Variants in MORC4 observed in about 807,000 individuals in gnomAD.
MORC4 encodes the protein MORC family CW-type zinc finger 4, also known as MORC family CW-type zinc finger protein 4.
In MORC4, 22 loss-of-function variants were observed where a neutral mutation model predicts 65.5. The ratio of observed to expected loss-of-function variants is 0.34; its 90% CI spans 0.24 to 0.48. The LOEUF (loss-of-function observed/expected upper bound fraction) is 0.48, where lower values mean the gene tolerates loss of function less well. Among genes scored for constraint, MORC4 ranks in the 20% least tolerant of loss-of-function variants. The pLI, the probability that MORC4 is intolerant of heterozygous loss-of-function variation, is 0.99. For synonymous variants in MORC4, 267 were observed against 255.8 expected (o/e 1.04, Z -0.42); for missense variants, 624 against 703.0 (o/e 0.89, Z 1.27).
chrX:106,973,867 C>T (rs1031208732), intron 9 of MORC4, among the ~76,000 whole-genome samples: 2 of 111,710 alleles, frequency 1.8e-5, no homozygotes, highest in Non-Finnish European at 3.8e-5. Flanking sequence ...GAAAGGAATG[C>T]AGCCCTGCCA....
Position 106,956,959 on chromosome X carries a change from C to T in MORC4, c.1431G>A (p.Leu477=). ...PEEQELTDED[L]CLSKAKKQEQ... Reference sequence around the variant, plus strand: ...ACTGTTTCTTAGCTTTGCTCAAGCACAGGTCTTCATCAGTGAGTTCTTGTT... The same window carrying T: ...ACTGTTTCTTAGCTTTGCTCAAGCATAGGTCTTCATCAGTGAGTTCTTGTT... The change falls in exon 12 of 17, where the codon CTG becomes CTA. Residue 477 remains leucine, a synonymous_variant. Coordinates refer to ENST00000355610, the MANE Select transcript of MORC4 (RefSeq NM_024657.5). 1 of 1,199,022 alleles carries T rather than the reference C, an allele frequency of 8.3e-7. No individual in the cohort carries two copies. Among genetic ancestry groups the T allele is most frequent in the Non-Finnish European group, 1.1e-6 (1 of 885,628 alleles).
At chrX:106,998,571 T>C (rs1935118925) in intron 2 of MORC4, among the ~76,000 whole-genome samples, 1 of 112,540 alleles carries the variant, frequency 8.9e-6, no homozygotes, top group South Asian at 3.7e-4. Context: ...TTGGATTGTA[T>C]TCCATTCTGC....
Position 106,956,528 on chromosome X carries a change from T to C in MORC4, c.1461A>G (p.Gln487=), listed in dbSNP as rs1275711108. ...LCLSKAKKQE[Q]TVEEKKKMPM... ...GCATCTTCTTCTTCTCCTCAACAGT[T>C]TGTTCTCTAGGAGAAGATAAAAGTG... The change falls in exon 13 of 17, where the codon CAA becomes CAG. Residue 487 remains glutamine (Q), a synonymous_variant. Coordinates refer to ENST00000355610, the MANE Select transcript of MORC4 (RefSeq NM_024657.5). 6.6e-6 allele frequency: 8 copies of C among 1,204,675 alleles called. No individual in the cohort carries two copies. The highest frequency in any genetic ancestry group is 2.2e-5 in the Admixed American group (1 of 46,037).
chrX:106,954,765 AT>A, intron 14 of MORC4, 147 bp downstream of exon 14: 1 of 540,544 alleles, frequency 1.8e-6, no homozygotes, highest in Non-Finnish European at 3.0e-6. Flanking sequence ...GCAACACACA[AT>A]TCTATCAACT....
intron 14 of MORC4, among the ~76,000 whole-genome samples, chrX:106,945,176 G>A (rs1266695038): frequency 1.8e-5 from 2 of 111,178 alleles, no homozygotes; most frequent in Non-Finnish European, 3.8e-5. Context: ...TGTTTTAAGG[G>A]GATGCTCAGG....
intron 9 of MORC4, among the ~76,000 whole-genome samples, chrX:106,966,174 T>G (rs772875330): frequency 8.9e-6 from 1 of 112,286 alleles, no homozygotes; most frequent in South Asian, 3.7e-4. Flanking sequence ...ATGCTAAAAT[T>G]TAGAGATTCA....
chrX:106,993,339 A>G lies in MORC4; in HGVS notation c.199T>C (p.Ser67Pro). The part of the protein sequence containing the change: ...LLDNAVDPDV[S>P]ARTVFIDVEE... ...ACATCTATAAAGACCGTCCTGGCAG[A>G]TACATCTGGATCTACAGCATTATCT... The change falls in exon 3 of 17, where the codon TCT (serine) becomes CCT (proline). Residue 67 changes from serine to proline, a missense_variant. Transcript: ENST00000355610. 8.3e-7 allele frequency: 1 copy of G among 1,208,880 alleles called. No homozygotes were observed. Among genetic ancestry groups the G allele is most frequent in the South Asian group, 1.8e-5 (1 of 56,216 alleles).
chrX:106,990,067 T>C (rs1421504665), intron 3 of MORC4, among the ~76,000 whole-genome samples: 2 of 102,740 alleles, frequency 1.9e-5, no homozygotes, highest in Admixed American at 2.1e-4. Flanking sequence ...CGCACACCTG[T>C]AGTCCCAGCT....
intron 9 of MORC4, among the ~76,000 whole-genome samples, chrX:106,967,227 T>C (rs1025691012): frequency 9.0e-6 from 1 of 111,291 alleles, no homozygotes; most frequent in African/African-American, 3.3e-5. Flanking sequence ...GGCCTGTCTG[T>C]TAGAAGGAAA....
In MORC4 at chrX:106,981,386, C is replaced by T. The variant is rs371544849; in HGVS notation, c.766G>A (p.Gly256Ser). The change falls in exon 6 of 17, where the codon GGT (glycine) becomes AGT (serine). Residue 256 changes from glycine (G) to serine (S), a missense_variant. Gly to Ser is a moderately conservative substitution (Grantham distance 56). Coordinates refer to ENST00000355610, the MANE Select transcript of MORC4 (RefSeq NM_024657.5). ...DFDTEEKMTG[G>S]VTSELPETEY... ...GTTTCTGGTAGCTCAGAGGTAACAC[C>T]GCCAGTCATTTTTTCTTCTGTGTCA... 1.2e-5 allele frequency: 15 copies of T among 1,204,930 alleles called. No homozygotes were observed. The highest frequency in any genetic ancestry group is 3.0e-5 in the East Asian group (1 of 33,660).
intron 2 of MORC4, among the ~76,000 whole-genome samples, chrX:106,998,410 C>T (rs751718047): frequency 2.5e-4 from 28 of 112,193 alleles, no homozygotes; most frequent in Non-Finnish European, 5.1e-4. Context: ...CATTAAATCA[C>T]CTGGAAAGTA....
In MORC4 at chrX:106,942,038, G is replaced by C. The variant is rs1475776367; in HGVS notation, c.2560C>G (p.Gln854Glu). 2.5e-6 allele frequency: 3 copies of C among 1,209,309 alleles called. No individual in the cohort carries two copies. Among genetic ancestry groups the C allele is most frequent in the Non-Finnish European group, 3.4e-6 (3 of 894,909 alleles). Residue 854 changes from glutamine (Q) to glutamate (E), a missense_variant, in exon 16 of 17, where the codon CAA becomes GAA. Transcript: ENST00000355610. The stretch of plus-strand genomic sequence containing the variant: ...TCCTTCAGTTTCTCTTTTAACTCTT[G>C]CTTTTCCTCTTTGGTTCTTTCCAGC... ...AELERTKEEKQELKEKLKETE... is the reference protein window; with the variant it reads ...AELERTKEEKEELKEKLKETE...
chrX:106,948,854 T>C (rs1478757139), intron 14 of MORC4, among the ~76,000 whole-genome samples: 2 of 111,655 alleles, frequency 1.8e-5, no homozygotes, highest in African/African-American at 6.5e-5. Flanking sequence ...TCTTTGCTTT[T>C]GGCTTTCAAT....
At position 106,941,553 on chromosome X, in the gene MORC4, C is replaced by T; in HGVS notation, c.2740G>A (p.Glu914Lys). The T allele has an allele frequency of 8.3e-7, 1 of 1,209,763 alleles. No homozygotes were observed. Among genetic ancestry groups the T allele is most frequent in the Non-Finnish European group, 1.1e-6 (1 of 893,984 alleles). ...TSVLPHLELR[E>K]IGYDSEQVDG... ...ACTTGTTCTGAGTCATACCCGATCT[C>T]ACGAAGCTCCAAGTGAGGGAGGACA... Residue 914 changes from glutamate to lysine, a missense_variant, in exon 17 of 17, where the codon GAG (glutamate) becomes AAG (lysine). Transcript: ENST00000355610.
chrX:106,968,120 T>A (rs1048250474), intron 9 of MORC4, among the ~76,000 whole-genome samples: 3 of 112,003 alleles, frequency 2.7e-5, no homozygotes, highest in Non-Finnish European at 5.6e-5. Context: ...TGGATCTCTG[T>A]GCAGAAACCC....
intron 9 of MORC4, among the ~76,000 whole-genome samples, chrX:106,973,359 C>CA (rs1354947736): frequency 8.9e-6 from 1 of 111,998 alleles, no homozygotes; most frequent in African/African-American, 3.2e-5. Context: ...GTGCCATACT[C>CA]AGAGTATTGC....
chrX:106,960,227 G>C (rs902822821), intron 10 of MORC4, among the ~76,000 whole-genome samples: 8 of 112,352 alleles, frequency 7.1e-5, no homozygotes, highest in Non-Finnish European at 1.3e-4. Flanking sequence ...AGAGTCTCTT[G>C]CAGAGTGCCA....
chrX:106,985,409 G>T (rs1602504610), intron 4 of MORC4, among the ~76,000 whole-genome samples, 166 bp from the exon 5 acceptor site: 1 of 112,139 alleles, frequency 8.9e-6, no homozygotes, highest in South Asian at 3.8e-4. Flanking sequence ...GTAGAGACAA[G>T]CTCCAAAATC....
intron 12 of MORC4, 94 bp downstream of exon 12, chrX:106,956,841 CA>C: frequency 3.0e-6 from 2 of 660,357 alleles, no homozygotes; most frequent in Non-Finnish European, 2.3e-6. Flanking sequence ...ATTTAAGAAC[CA>C]AAAAAATTCT....
Sources: allele counts gnomAD v4.1 joint callset (sites outside exome capture counted in the v4.1 genomes callset), GRCh38; gene constraint gnomAD v4.1.1; transcripts MANE v1.5; gene names NCBI Gene and HGNC (gene_info 2026-07-23, HGNC 2026-07-21).